SASH1: variants seen among roughly 807,000 people sequenced by gnomAD.
The protein encoded by SASH1 is SAM and SH3 domain containing 1.
A neutral mutation model predicts 125.2 loss-of-function variants in SASH1; 44 were observed. That is an observed-to-expected ratio of 0.35 (90% CI 0.28 to 0.45). The LOEUF is 0.45. Among genes scored for constraint, SASH1 ranks in the 20% least tolerant of loss-of-function variants. SASH1 has a pLI of 1.00. For missense variants in SASH1, 1,426 were observed against 1,614.5 expected (o/e 0.88, Z 2.00); for synonymous variants, 639 against 649.1 (o/e 0.98, Z 0.24).
At chr6:148,299,388 T>G (rs183251920) in intron 1 of SASH1, among the ~76,000 whole-genome samples, 10,509 of 151,938 alleles carry the variant, frequency 0.069, 427 homozygotes, top group African/African-American at 0.12. Context: ...AGACTGTCGT[T>G]GGGTGCGGTG....
At chr6:148,502,530 C>A (rs1471181328) in intron 8 of SASH1, among the ~76,000 whole-genome samples, 2 of 152,224 alleles carry the variant, frequency 1.3e-5, no homozygotes, top group African/African-American at 4.8e-5. Context: ...GCCACGGCCC[C>A]AGAGTCAGTG....
chr6:148,279,567 C>T (rs937282622), intron 1 of SASH1, among the ~76,000 whole-genome samples: 16 of 152,218 alleles, frequency 1.1e-4, no homozygotes, highest in South Asian at 2.1e-4. Flanking sequence ...AAGAGCAATT[C>T]GCTGGGAAAC....
the SASH1 span, among the ~76,000 whole-genome samples, chr6:148,229,568 TA>T: frequency 1.3e-5 from 2 of 151,434 alleles, no homozygotes; most frequent in Admixed American, 6.6e-5. Flanking sequence ...CAAAGCTGTT[TA>T]AAAAAAAAGT....
At chr6:148,418,424 A>G (rs1281937409) in intron 2 of SASH1, among the ~76,000 whole-genome samples, 1 of 152,138 alleles carries the variant, frequency 6.6e-6, no homozygotes, top group East Asian at 1.9e-4. Context: ...TTCCGTGAAC[A>G]TGTTTCTGTC....
chr6:148,440,134 C>A, intron 2 of SASH1, 50 bp from the exon 3 acceptor site: 1 of 1,559,962 alleles, frequency 6.4e-7, no homozygotes, highest in Admixed American at 1.7e-5. Context: ...GTCTTTCTCG[C>A]GTGTGACATG....
chr6:148,372,403 A>G (rs563977094), intron 1 of SASH1, among the ~76,000 whole-genome samples: 1 of 152,332 alleles, frequency 6.6e-6, no homozygotes, highest in East Asian at 1.9e-4. Flanking sequence ...AACACCTTGA[A>G]CTGTATTCCA....
chr6:148,348,295 G>A (rs1254672512), intron 1 of SASH1, among the ~76,000 whole-genome samples: 4 of 152,126 alleles, frequency 2.6e-5, no homozygotes, highest in Admixed American at 2.0e-4. Context: ...CGCCTGGCCG[G>A]CTTTGATAAT....
intron 2 of SASH1, among the ~76,000 whole-genome samples, chr6:148,421,325 A>G (rs186197190): frequency 2.6e-5 from 4 of 152,256 alleles, no homozygotes; most frequent in Admixed American, 2.0e-4. Context: ...TTTTTCTGAG[A>G]CAGAGTCTCG....
intron 18 of SASH1, among the ~76,000 whole-genome samples, chr6:148,545,509 G>C (rs1388612538): frequency 6.6e-6 from 1 of 152,122 alleles, no homozygotes. Flanking sequence ...AGCAGATAAA[G>C]TGCAAACAGT....
At chr6:148,356,083 T>C (rs1562346322) in intron 1 of SASH1, among the ~76,000 whole-genome samples, 1 of 149,918 alleles carries the variant, frequency 6.7e-6, no homozygotes, top group Non-Finnish European at 1.5e-5. Context: ...TTTTTTTTTT[T>C]TTCTTTTCTT....
intron 4 of SASH1, among the ~76,000 whole-genome samples, chr6:148,447,640 CTCCTCCTTT>C (rs963625826): frequency 6.6e-6 from 1 of 151,682 alleles, no homozygotes; most frequent in African/African-American, 2.4e-5. Flanking sequence ...TCTCCTCCTC[CTCCTCCTTT>C]TCCTCCTCTT....
At chr6:148,496,080 T>C (rs1779300220) in intron 8 of SASH1, among the ~76,000 whole-genome samples, 2 of 151,866 alleles carry the variant, frequency 1.3e-5, no homozygotes, top group Admixed American at 1.3e-4. Context: ...ACTCCTGACC[T>C]CAGGTGATCC....
At position 148,534,501 on chromosome 6, in the gene SASH1, G is replaced by A. The variant is rs73017014; in HGVS notation, c.1945-250G>A. Among the ~76,000 whole-genome samples the A allele has an allele frequency of 5.4e-3, 821 of 152,292 alleles. 6 individuals carry two copies. Among genetic ancestry groups the A allele is most frequent in the Middle Eastern group, 0.027 (8 of 294 alleles). ...CTCTTATCAAGAGTACAATTATAGT[G>A]CAAGCCAGCAGAATCCATCACAGCC... On this transcript the variant is annotated intron_variant, in intron 15 of 19. Coordinates refer to ENST00000367467, the MANE Select transcript of SASH1 (RefSeq NM_015278.5).
intron 1 of SASH1, among the ~76,000 whole-genome samples, chr6:148,353,380 T>C (rs1311937024): frequency 6.6e-6 from 1 of 152,126 alleles, no homozygotes; most frequent in African/African-American, 2.4e-5. Context: ...TTACTAATTT[T>C]TCATTTTTAA....
intron 8 of SASH1, among the ~76,000 whole-genome samples, chr6:148,506,161 T>C (rs891190152): frequency 6.6e-6 from 1 of 151,894 alleles, no homozygotes; most frequent in African/African-American, 2.4e-5. Flanking sequence ...TCCAGTGAGT[T>C]ATGAATAGAA....
At chr6:148,308,678 G>A (rs938511358) in intron 1 of SASH1, among the ~76,000 whole-genome samples, 1 of 150,704 alleles carries the variant, frequency 6.6e-6, no homozygotes, top group Non-Finnish European at 1.5e-5. Flanking sequence ...TTACAGGTGT[G>A]AGCCACCGCA....
At chr6:148,465,636 C>T (rs1482320170) in intron 4 of SASH1, among the ~76,000 whole-genome samples, 1 of 151,936 alleles carries the variant, frequency 6.6e-6, no homozygotes, top group East Asian at 1.9e-4. Context: ...TGGCCCCTTA[C>T]AGAAAACATG....
In SASH1 at chr6:148,377,161, C is replaced by T. The variant is rs570834076; in HGVS notation, c.157-12973C>T. 5.9e-3 allele frequency among the ~76,000 whole-genome samples: 723 copies of T among 122,788 alleles called. 9 individuals are homozygous for T. The highest frequency in any genetic ancestry group is 0.021 in the African/African-American group (675 of 32,716). 80.6% of individuals were successfully genotyped at this position (122,788 alleles called of 152,430 possible). A position where few individuals can be genotyped will look rare whatever the true frequency, so the allele number is the denominator to read the frequency against. Reference sequence around the variant, plus strand: ...CTCCAGCCTGGGCGACAGAGCGAGACTCCGTCTCAAAAAAAAAAAAAACAA... The same window carrying T: ...CTCCAGCCTGGGCGACAGAGCGAGATTCCGTCTCAAAAAAAAAAAAAACAA... On this transcript the variant is annotated intron_variant, in intron 1 of 19. Transcript: ENST00000367467.
At chr6:148,500,399 C>T (rs180795519) in intron 8 of SASH1, among the ~76,000 whole-genome samples, 52 of 152,260 alleles carry the variant, frequency 3.4e-4, no homozygotes, top group South Asian at 1.0e-3. Context: ...TAATTGATGC[C>T]ACCTGGTTCA....
Sources: allele counts gnomAD v4.1 joint callset (sites outside exome capture counted in the v4.1 genomes callset), GRCh38; gene constraint gnomAD v4.1.1; transcripts MANE v1.5; gene names NCBI Gene and HGNC (gene_info 2026-07-23, HGNC 2026-07-21).